IL1RAPL1: variants seen among roughly 807,000 people sequenced by gnomAD.
The protein encoded by IL1RAPL1 is interleukin-1 receptor accessory protein-like 1.
IL1RAPL1 carries 3 observed loss-of-function variants against 48.4 expected under a neutral mutation model. That is an observed-to-expected ratio of 0.06 (90% CI 0.03 to 0.16). IL1RAPL1 has a LOEUF of 0.16. Among genes scored for constraint, IL1RAPL1 ranks in the 10% least tolerant of loss-of-function variants. The pLI is 1.00. For synonymous variants in IL1RAPL1, 185 were observed against 187.7 expected, an observed-to-expected ratio of 0.99 and a Z score of 0.12; for missense variants, 349 against 530.6, an observed-to-expected ratio of 0.66 and a Z score of 3.36.
At chrX:29,557,083 C>A (rs1922027832) in intron 5 of IL1RAPL1, among the ~76,000 whole-genome samples, 1 of 111,784 alleles carries the variant, frequency 8.9e-6, no homozygotes, top group Non-Finnish European at 1.9e-5. Context: ...CCATAAGTGG[C>A]AAATAATAAG....
intron 6 of IL1RAPL1, among the ~76,000 whole-genome samples, chrX:29,878,962 A>G (rs1292707812): frequency 8.9e-6 from 1 of 111,844 alleles, no homozygotes; most frequent in African/African-American, 3.2e-5. Flanking sequence ...TGTTTATAGC[A>G]GCCTTATTCA....
chrX:29,133,577 C>T (rs1281110723), intron 2 of IL1RAPL1, among the ~76,000 whole-genome samples: 3 of 111,746 alleles, frequency 2.7e-5, no homozygotes, highest in African/African-American at 9.7e-5. Flanking sequence ...AGTTCCTATA[C>T]ACACCTTCAT....
intron 5 of IL1RAPL1, among the ~76,000 whole-genome samples, chrX:29,507,295 CTCCT>C (rs1304927649): frequency 8.9e-5 from 7 of 78,586 alleles, no homozygotes; most frequent in Non-Finnish European, 1.5e-4. Flanking sequence ...TTCTTTCTCT[CTCCT>C]TCCTTCCTTC....
chrX:28,873,680 C>T (rs1469190760), intron 2 of IL1RAPL1, among the ~76,000 whole-genome samples: 12 of 107,639 alleles, frequency 1.1e-4, no homozygotes, highest in South Asian at 8.4e-4. Context: ...TACAGGAGCC[C>T]GCCACCACAG....
At position 29,819,714 on chromosome X, in the gene IL1RAPL1, C is replaced by G. The variant is rs1250156464; in HGVS notation, c.779-97750C>G. ...AAAAAAAGCCATTATAATTAAGACT[C>G]AAGAAAACTTTTCCAGTATAAATAT... On this transcript the variant is annotated intron_variant, in intron 6 of 10. Transcript: ENST00000378993. Among the ~76,000 whole-genome samples the G allele has an allele frequency of 3.7e-5, 4 of 109,289 alleles. 1 individual carries two copies. In the Admixed American group the frequency reaches 4.0e-4, roughly 11 times the overall value. The allele number at this position is 109,289 out of a possible 115,157, so 94.9% of individuals were successfully genotyped here.
chrX:29,136,928 A>G (rs1929140915), intron 2 of IL1RAPL1, among the ~76,000 whole-genome samples: 1 of 111,597 alleles, frequency 9.0e-6, no homozygotes, highest in Admixed American at 9.6e-5. Context: ...GTACTTTCAC[A>G]TAAGAGCCTG....
At chrX:29,076,716 C>T (rs1927679001) in intron 2 of IL1RAPL1, among the ~76,000 whole-genome samples, 1 of 110,889 alleles carries the variant, frequency 9.0e-6, no homozygotes, top group Non-Finnish European at 1.9e-5. Context: ...TACGAAAATA[C>T]TTACCATTCT....
At chrX:29,219,797 T>A (rs776364439) in intron 2 of IL1RAPL1, among the ~76,000 whole-genome samples, 1 of 111,309 alleles carries the variant, frequency 9.0e-6, no homozygotes, top group South Asian at 3.8e-4. Context: ...CTTTAGTCAA[T>A]CACTCCAGCC....
chrX:29,000,640 A>G (rs922694843), intron 2 of IL1RAPL1, among the ~76,000 whole-genome samples: 1 of 111,798 alleles, frequency 8.9e-6, no homozygotes, highest in African/African-American at 3.2e-5. Flanking sequence ...GTATCATACC[A>G]CTCACAATAC....
At chrX:29,581,332 A>C (rs1486505326) in intron 5 of IL1RAPL1, among the ~76,000 whole-genome samples, 1 of 112,283 alleles carries the variant, frequency 8.9e-6, no homozygotes, top group East Asian at 2.8e-4. Flanking sequence ...CATTCGTCAC[A>C]TTAGGGAGTA....
At chrX:29,177,721 T>C (rs1417562290) in intron 2 of IL1RAPL1, among the ~76,000 whole-genome samples, 1 of 111,576 alleles carries the variant, frequency 9.0e-6, no homozygotes, top group African/African-American at 3.3e-5. Context: ...ATTAGGTATT[T>C]CTCCTAATGC....
chrX:28,922,933 A>C lies in IL1RAPL1; in HGVS notation c.82+133508A>C, dbSNP rs935941483. ...TGTGGTTATTGTATATTTGTTAAGT[A>C]TTCCATGGTAAATGTGACCTGTAAA... On this transcript the variant is annotated intron_variant, in intron 2 of 10. Transcript: ENST00000378993. Among the ~76,000 whole-genome samples, 3 of 112,084 alleles carry C rather than the reference A, an allele frequency of 2.7e-5. No individual in the cohort carries two copies. In the East Asian group the frequency reaches 8.4e-4, roughly 31 times the overall value.
intron 1 of IL1RAPL1, among the ~76,000 whole-genome samples, chrX:28,675,049 G>A (rs1934983525): frequency 9.0e-6 from 1 of 111,666 alleles, no homozygotes; most frequent in Non-Finnish European, 1.9e-5. Flanking sequence ...AAATCCATAA[G>A]TAATGATTCA....
chrX:28,751,703 C>T (rs760713793), intron 1 of IL1RAPL1, among the ~76,000 whole-genome samples: 36 of 112,032 alleles, frequency 3.2e-4, no homozygotes, highest in Non-Finnish European at 5.4e-4. Flanking sequence ...GCTGCAAAAC[C>T]AGTTTTGAGT....
At chrX:29,614,357 G>GA (rs1924209611) in intron 5 of IL1RAPL1, among the ~76,000 whole-genome samples, 1 of 111,962 alleles carries the variant, frequency 8.9e-6, no homozygotes, top group Non-Finnish European at 1.9e-5. Flanking sequence ...CCAATGAAGT[G>GA]AAAATAAAGA....
At chrX:28,715,381 G>A (rs1488846230) in intron 1 of IL1RAPL1, among the ~76,000 whole-genome samples, 1 of 111,853 alleles carries the variant, frequency 8.9e-6, no homozygotes, top group Non-Finnish European at 1.9e-5. Context: ...AGAATCTCTG[G>A]CACACAGCTA....
intron 1 of IL1RAPL1, among the ~76,000 whole-genome samples, chrX:28,674,356 C>G (rs901405793): frequency 1.4e-4 from 15 of 111,072 alleles, no homozygotes; most frequent in African/African-American, 4.9e-4. Context: ...TGCACCACCA[C>G]CCCCCTTCCC....
chrX:29,761,428 T>A (rs1202247889), intron 6 of IL1RAPL1, among the ~76,000 whole-genome samples: 1 of 112,038 alleles, frequency 8.9e-6, no homozygotes, highest in East Asian at 2.8e-4. Flanking sequence ...CCAGCATTTC[T>A]TCAATCACAC....
chrX:28,683,345 G>A (rs1174065364), intron 1 of IL1RAPL1, among the ~76,000 whole-genome samples: 1 of 107,233 alleles, frequency 9.3e-6, no homozygotes, highest in Non-Finnish European at 1.9e-5. Context: ...ATACAACAGA[G>A]AGGAAATATC....
Sources: gnomAD v4.1 joint callset for allele counts (sites outside exome capture counted in the v4.1 genomes callset) on GRCh38, gnomAD v4.1.1 for gene constraint, MANE v1.5 for transcripts, NCBI Gene and HGNC (gene_info 2026-07-23, HGNC 2026-07-21) for gene names.